The following ZNF112 variants were observed in gnomAD, a reference collection of about 807,000 sequenced individuals.
ZNF112 encodes zinc finger protein 112, also known as zinc finger protein 112 (Y14).
ZNF112 carries 37 observed loss-of-function variants against 77.7 expected under a neutral mutation model. That is an observed-to-expected ratio of 0.48 (90% CI 0.37 to 0.63). ZNF112 has a LOEUF of 0.63. Among genes scored for constraint, ZNF112 ranks in the 20% least tolerant of loss-of-function variants. ZNF112 has a pLI of 0.00. For synonymous variants in ZNF112, 333 were observed against 363.6 expected, an observed-to-expected ratio of 0.92 and a Z score of 0.96; for missense variants, 950 against 1,077.4, an observed-to-expected ratio of 0.88 and a Z score of 1.66.
chr19:44,331,780 TAA>T (rs894801927), intron 3 of ZNF112, among the ~76,000 whole-genome samples: 7 of 152,150 alleles, frequency 4.6e-5, no homozygotes, highest in Non-Finnish European at 7.4e-5. Flanking sequence ...CTCATAGAAC[TAA>T]AAGAGCATGT....
chr19:44,343,999 C>T (rs1970540962), intron 1 of ZNF112, among the ~76,000 whole-genome samples: 1 of 152,184 alleles, frequency 6.6e-6, no homozygotes, highest in African/African-American at 2.4e-5. Flanking sequence ...CTATATACAT[C>T]GAGACCACCC....
chr19:44,358,765 G>A (rs1479122395), upstream of ZNF112, among the ~76,000 whole-genome samples: 2 of 152,164 alleles, frequency 1.3e-5, no homozygotes, highest in Non-Finnish European at 2.9e-5. Context: ...AATGATTCAT[G>A]TGTGCATTTA....
intron 1 of ZNF112, among the ~76,000 whole-genome samples, chr19:44,345,375 T>C (rs1970568827): frequency 6.6e-6 from 1 of 152,168 alleles, no homozygotes. Flanking sequence ...TCCCCATTTC[T>C]CTCTTTTAAA....
upstream of ZNF112, among the ~76,000 whole-genome samples, chr19:44,358,283 GA>G (rs1466044766): frequency 6.8e-6 from 1 of 147,012 alleles, no homozygotes; most frequent in Non-Finnish European, 1.5e-5. Flanking sequence ...GATAATAGGG[GA>G]TTTTTTTTTA....
intron 2 of ZNF112, among the ~76,000 whole-genome samples, 177 bp downstream of exon 2, chr19:44,340,239 A>C (rs1970464835): frequency 6.6e-6 from 1 of 152,200 alleles, no homozygotes; most frequent in Admixed American, 6.5e-5. Flanking sequence ...TACTATTCCA[A>C]GGATAGACTG....
At chr19:44,337,311 T>A (rs1212279166) in intron 2 of ZNF112, among the ~76,000 whole-genome samples, 3 of 109,312 alleles carry the variant, frequency 2.7e-5, no homozygotes, top group African/African-American at 1.2e-4. Context: ...ATATATATAT[T>A]TTGTATATGT....
rs1309577790 is a variant in ZNF112, at chr19:44,328,751, A to G, written c.1406T>C (p.Val469Ala). 1 of 1,613,892 alleles carries G rather than the reference A, an allele frequency of 6.2e-7. No homozygotes were observed. The highest frequency in any genetic ancestry group is 1.3e-5 in the African/African-American group (1 of 74,898). The change falls in exon 4 of 4, where the codon GTG becomes GCG. Residue 469 changes from valine to alanine, a missense_variant. By Grantham distance (64) the Val-to-Ala change is moderately conservative. This residue lies in a region of ZNF112 where 560 missense variants were observed against 557.3 expected (regional missense o/e 1.00). Coordinates refer to ENST00000354340, the MANE Select transcript of ZNF112 (RefSeq NM_013380.4). ...HTKEQPYKRY[V>A]CSNSFSHNLY... is the part of the protein sequence containing the mutation. ...ATTATGGCTGAAGCTGTTACTACAC[A>G]CATAGCGTTTATATGGTTGTTCCTT... is the stretch of plus-strand genomic sequence containing the variant.
Position 44,329,883 on chromosome 19 carries a change from A to C in ZNF112, c.274T>G (p.Phe92Val), listed in dbSNP as rs1436989773. Residue 92 changes from phenylalanine to valine, a missense_variant, in exon 4 of 4, where the codon TTT becomes GTT. Phe to Val is a conservative substitution (Grantham distance 50). Transcript: ENST00000354340. Reference sequence around the variant, plus strand: ...CGGGAGGAAAGCTCTTTGGGGGAAAAGTAGCTTACTGTTACTTCCTGAATA... The same window carrying C: ...CGGGAGGAAAGCTCTTTGGGGGAAACGTAGCTTACTGTTACTTCCTGAATA... ...ESIQEVTVSY[F>V]SPKELSSRQT... 4 of 1,613,834 alleles carry C rather than the reference A, an allele frequency of 2.5e-6. No individual in the cohort carries two copies. Among genetic ancestry groups the C allele is most frequent in the Non-Finnish European group, 3.4e-6 (4 of 1,179,968 alleles).
rs202079545 is a variant in ZNF112, at chr19:44,329,709, T to C, written c.448A>G (p.Asn150Asp). The C allele has an allele frequency of 3.7e-5, 59 of 1,614,012 alleles. No individual in the cohort carries two copies. Among genetic ancestry groups the C allele is most frequent in the Non-Finnish European group, 4.7e-5 (55 of 1,180,024 alleles). The change falls in exon 4 of 4, where the codon AAC becomes GAC. Residue 150 changes from asparagine (N) to aspartate (D), a missense_variant. By Grantham distance (23) the Asn-to-Asp change is conservative (BLOSUM62 1). Coordinates refer to ENST00000354340, the MANE Select transcript of ZNF112 (RefSeq NM_013380.4). ...TTCCCTATATGAGTGAATATATAGT[T>C]CTTATCTTCAGAAATCTGAACTGGT... ...GIPVQISEDKNYIFTHIGNGS... is the reference protein window; with the variant it reads ...GIPVQISEDKDYIFTHIGNGS...
chr19:44,346,429 T>C (rs1469318659), intron 1 of ZNF112, among the ~76,000 whole-genome samples: 5 of 152,210 alleles, frequency 3.3e-5, no homozygotes, highest in African/African-American at 1.2e-4. Context: ...ATCATCACTA[T>C]GAAATAAATC....
chr19:44,347,302 T>C (rs191215690), intron 1 of ZNF112, among the ~76,000 whole-genome samples: 21 of 152,216 alleles, frequency 1.4e-4, no homozygotes, highest in Admixed American at 7.2e-4. Flanking sequence ...AGACCACATA[T>C]ACTTGGTTCT....
At chr19:44,356,569 A>G (rs1166961337) in intron 1 of ZNF112, 57 bp downstream of exon 1, 1 of 152,346 alleles carries the variant, frequency 6.6e-6, no homozygotes, top group East Asian at 1.9e-4. Flanking sequence ...CTGGACCCCA[A>G]CAAAACGAAC....
At chr19:44,343,710 T>A in intron 1 of ZNF112, among the ~76,000 whole-genome samples, 1 of 152,358 alleles carries the variant, frequency 6.6e-6, no homozygotes, top group South Asian at 2.1e-4. Flanking sequence ...GTTTCAGTTC[T>A]GTCATCTGCA....
chr19:44,367,115 G>A (rs1212711888), exon 1 of ZNF112: 1 of 456,014 alleles, frequency 2.2e-6, no homozygotes, highest in African/African-American at 2.0e-5. Context: ...TGCTAGCCGC[G>A]GATGCTCTTC....
chr19:44,337,020 G>A (rs1020677833), intron 2 of ZNF112, among the ~76,000 whole-genome samples: 1 of 151,192 alleles, frequency 6.6e-6, no homozygotes, highest in African/African-American at 2.4e-5. Flanking sequence ...CGGGACCATG[G>A]GTGTGCATCA....
At chr19:44,339,974 A>G (rs939632194) in intron 2 of ZNF112, among the ~76,000 whole-genome samples, 1 of 152,198 alleles carries the variant, frequency 6.6e-6, no homozygotes, top group Non-Finnish European at 1.5e-5. Flanking sequence ...ATGAACATAA[A>G]TGATAGAGCA....
chr19:44,365,947 T>G (rs1243273555), intron 1 of ZNF112, among the ~76,000 whole-genome samples: 1 of 152,166 alleles, frequency 6.6e-6, no homozygotes, highest in East Asian at 1.9e-4. Flanking sequence ...GCATGCAAAT[T>G]TATTTAATAC....
Position 44,337,235 on chromosome 19 carries a change from T to C in ZNF112, c.125-517A>G, listed in dbSNP as rs1025184947. 2.1e-5 allele frequency among the ~76,000 whole-genome samples: 3 copies of C among 142,896 alleles called. No homozygotes were observed. The Admixed American group carries it at 2.2e-4, about 11-fold the overall frequency. The allele number at this position is 142,896 out of a possible 152,430, so 93.7% of individuals were successfully genotyped here. A position where few individuals can be genotyped will look rare whatever the true frequency, so the allele number is the denominator to read the frequency against. ...TAAAAATAAGTATATATATAAAATA[T>C]ATATTATTTTTATATATTACATATA... On this transcript the variant is annotated intron_variant, in intron 2 of 3. Transcript: ENST00000354340.
chr19:44,335,966 G>C (rs1354317921), intron 3 of ZNF112, among the ~76,000 whole-genome samples: 1 of 152,212 alleles, frequency 6.6e-6, no homozygotes, highest in African/African-American at 2.4e-5. Context: ...GCTATGTCAA[G>C]AGATTGTTTG....
Sources: allele counts gnomAD v4.1 joint callset (sites outside exome capture counted in the v4.1 genomes callset), GRCh38; gene constraint gnomAD v4.1.1; regional missense constraint gnomAD v4.1.1; transcripts MANE v1.5; gene names NCBI Gene and HGNC (gene_info 2026-07-23, HGNC 2026-07-21).